The following KSR2 variants were observed in gnomAD, a reference collection of about 807,000 sequenced individuals.
KSR2 encodes kinase suppressor of ras 2.
Under a neutral mutation model 107.8 loss-of-function variants are expected in KSR2, and 25 were observed. The observed-to-expected ratio is 0.23, with a 90% CI of 0.17 to 0.32. KSR2 has a LOEUF of 0.32. Ranked by LOEUF, KSR2 falls within the 10% of genes least tolerant of loss-of-function variation. The probability of loss-of-function intolerance (pLI) is 1.00; values close to 1 mark genes in which losing one functional copy is unlikely to be tolerated. For synonymous variants in KSR2, 480 were observed against 507.0 expected (o/e 0.95, Z 0.71); for missense variants, 887 against 1,268.9 (o/e 0.70, Z 4.57).
At position 117,907,163 on chromosome 12, in the gene KSR2, G is replaced by T. The variant is rs1894879287; in HGVS notation, c.181-46732C>A. Reference sequence around the variant, plus strand: ...ATAGATGGGGAAGCTGAAGCTCACGGAGATTAAATTACTTGCTTACATGAG... The same window carrying T: ...ATAGATGGGGAAGCTGAAGCTCACGTAGATTAAATTACTTGCTTACATGAG... On this transcript the variant is annotated intron_variant, in intron 1 of 19. Coordinates refer to ENST00000339824, the MANE Select transcript of KSR2 (RefSeq NM_173598.6). This position sits in a 1 kb window ranked among gnomAD's most constrained non-coding sequence, Gnocchi z 4.3. 6.6e-6 allele frequency among the ~76,000 whole-genome samples: 1 copy of T among 152,176 alleles called. No homozygotes were observed. The highest frequency in any genetic ancestry group is 1.5e-5 in the Non-Finnish European group (1 of 68,030).
At chr12:117,483,525 TGA>T (rs142886621) in intron 16 of KSR2, among the ~76,000 whole-genome samples, 14 of 147,560 alleles carry the variant, frequency 9.5e-5, no homozygotes, top group Non-Finnish European at 1.5e-4. Context: ...AGGTTTAAAA[TGA>T]GAGAGAGAGA....
intron 5 of KSR2, among the ~76,000 whole-genome samples, chr12:117,589,589 T>G (rs1880203665): frequency 6.6e-6 from 1 of 152,184 alleles, no homozygotes; most frequent in Admixed American, 6.5e-5. Flanking sequence ...TAACTGAAAC[T>G]AATAAAACTT....
At chr12:117,883,084 C>T (rs1206075650) in intron 1 of KSR2, among the ~76,000 whole-genome samples, 1 of 152,178 alleles carries the variant, frequency 6.6e-6, no homozygotes, top group Non-Finnish European at 1.5e-5. Context: ...TCCATTCATC[C>T]CTTCAACCAT....
intron 14 of KSR2, among the ~76,000 whole-genome samples, chr12:117,490,866 T>C (rs1416395813): frequency 6.6e-6 from 1 of 152,236 alleles, no homozygotes; most frequent in East Asian, 1.9e-4. Flanking sequence ...TTTTGATATA[T>C]GTATACATAT....
chr12:117,694,712 A>T (rs1420146998), intron 4 of KSR2, among the ~76,000 whole-genome samples: 1 of 152,252 alleles, frequency 6.6e-6, no homozygotes, highest in African/African-American at 2.4e-5. Context: ...AATGTGGTCT[A>T]TCCACACAAT....
chr12:117,846,824 T>C (rs141481925), intron 3 of KSR2, among the ~76,000 whole-genome samples: 1 of 152,336 alleles, frequency 6.6e-6, no homozygotes, highest in Non-Finnish European at 1.5e-5. Flanking sequence ...CACACGAGTC[T>C]GGTGACCGCT....
Position 117,574,454 on chromosome 12 carries a change from G to A in KSR2, c.1325+4665C>T, listed in dbSNP as rs555872100. ...GGACTCACAGTTCCATGTGGCTGGG[G>A]AGGCCTCATAATCATGGTGGAAACC... On this transcript the variant is annotated intron_variant, in intron 7 of 19. Transcript: ENST00000339824. 2.7e-4 allele frequency among the ~76,000 whole-genome samples: 41 copies of A among 152,230 alleles called. 1 individual carries two copies. The highest frequency in any genetic ancestry group is 2.1e-4 in the South Asian group (1 of 4,818).
At chr12:117,607,567 AAG>A (rs1467632720) in intron 5 of KSR2, among the ~76,000 whole-genome samples, 2 of 151,646 alleles carry the variant, frequency 1.3e-5, no homozygotes, top group African/African-American at 4.9e-5. Context: ...GAGAATCTCC[AAG>A]AGGGAATCAG....
At chr12:117,560,131 A>T (rs1878012551) in intron 7 of KSR2, among the ~76,000 whole-genome samples, 1 of 152,130 alleles carries the variant, frequency 6.6e-6, no homozygotes, top group Non-Finnish European at 1.5e-5. Flanking sequence ...TAGTGTTCTC[A>T]GACCAGCAGC....
chr12:117,724,564 C>A (rs191066637), intron 4 of KSR2, among the ~76,000 whole-genome samples: 1 of 145,018 alleles, frequency 6.9e-6, no homozygotes, highest in Admixed American at 7.1e-5. Flanking sequence ...TCTGGATCAT[C>A]AGCAAAAAAA....
intron 4 of KSR2, among the ~76,000 whole-genome samples, chr12:117,727,698 C>A (rs571456933): frequency 1.7e-4 from 26 of 152,226 alleles, no homozygotes; most frequent in African/African-American, 4.6e-4. Context: ...GGAGCACATC[C>A]CTGCCCACAC....
chr12:117,807,177 C>T (rs1891039789), intron 3 of KSR2, among the ~76,000 whole-genome samples: 1 of 152,094 alleles, frequency 6.6e-6, no homozygotes, highest in Non-Finnish European at 1.5e-5. Flanking sequence ...CACCCGATGA[C>T]CTGCTCAAGA....
At chr12:117,611,178 A>G (rs1881575752) in intron 5 of KSR2, among the ~76,000 whole-genome samples, 2 of 152,206 alleles carry the variant, frequency 1.3e-5, no homozygotes, top group African/African-American at 4.8e-5. Flanking sequence ...AAAGAATATG[A>G]CAATCATCTC....
At chr12:117,646,828 C>G (rs778778640) in intron 5 of KSR2, among the ~76,000 whole-genome samples, 2 of 152,128 alleles carry the variant, frequency 1.3e-5, no homozygotes, top group African/African-American at 4.8e-5. Flanking sequence ...CCCTCCCTCC[C>G]GCAGTCCCCC....
intron 14 of KSR2, among the ~76,000 whole-genome samples, chr12:117,513,499 A>T (rs1446752714): frequency 6.6e-6 from 1 of 152,194 alleles, no homozygotes; most frequent in Non-Finnish European, 1.5e-5. Flanking sequence ...CCACCCCAGC[A>T]TCTGCCGCTG....
chr12:117,764,340 C>G (rs1416138362), intron 3 of KSR2, among the ~76,000 whole-genome samples: 1 of 151,808 alleles, frequency 6.6e-6, no homozygotes, highest in Non-Finnish European at 1.5e-5. Context: ...TTACATCTAA[C>G]TTAATTTTTG....
intron 9 of KSR2, among the ~76,000 whole-genome samples, chr12:117,540,833 C>T (rs1876433066): frequency 6.6e-6 from 1 of 152,204 alleles, no homozygotes. Context: ...AATTTCTGGC[C>T]TCTAGAACTG....
chr12:117,964,479 G>A (rs932901186), intron 1 of KSR2, among the ~76,000 whole-genome samples: 5 of 152,156 alleles, frequency 3.3e-5, no homozygotes, highest in Middle Eastern at 3.2e-3. Context: ...AATTAAAAAC[G>A]CTAACATCCC....
chr12:117,791,090 G>A (rs2030368779), intron 3 of KSR2, among the ~76,000 whole-genome samples: 1 of 152,006 alleles, frequency 6.6e-6, no homozygotes, highest in Admixed American at 6.6e-5. Context: ...TCAGAGCATA[G>A]CCCACATCTC....
Sources: allele counts gnomAD v4.1 joint callset (sites outside exome capture counted in the v4.1 genomes callset), GRCh38; gene constraint gnomAD v4.1.1; non-coding constraint Gnocchi (gnomAD v3.1); transcripts MANE v1.5; gene names NCBI Gene and HGNC (gene_info 2026-07-23, HGNC 2026-07-21).